Variants in SAMD5 observed in about 807,000 individuals in gnomAD.
SAMD5 encodes the protein sterile alpha motif domain containing 5.
SAMD5 carries 13 observed loss-of-function variants against 11.3 expected under a neutral mutation model. The observed-to-expected ratio is 1.15, with a 90% CI of 0.75 to 1.83. The LOEUF is 1.83. Among genes scored for constraint, SAMD5 ranks in the 40% most tolerant of loss-of-function variants. The pLI is 0.00. For missense variants in SAMD5, 255 were observed against 239.1 expected, an observed-to-expected ratio of 1.07 and a Z score of -0.44; for synonymous variants, 129 against 111.3, an observed-to-expected ratio of 1.16 and a Z score of -1.00.
intron 1 of SAMD5, chr6:147,733,745 A>C: frequency 1.1e-6 from 1 of 952,232 alleles, no homozygotes; most frequent in Non-Finnish European, 1.3e-6. Flanking sequence ...AAATTATGGA[A>C]ATTCTTCAGG....
chr6:147,877,940 T>TAGAA, the SAMD5 span, among the ~76,000 whole-genome samples: 80 of 99,230 alleles, frequency 8.1e-4, 2 homozygotes, highest in African/African-American at 2.7e-3. Context: ...GATAGATAGA[T>TAGAA]AGATAGACTC....
chr6:147,544,548 T>C (rs540538904), intron 1 of SAMD5, among the ~76,000 whole-genome samples: 18 of 152,320 alleles, frequency 1.2e-4, no homozygotes, highest in African/African-American at 4.3e-4. Flanking sequence ...CATAGTGTCC[T>C]TGTTACCCTT....
intron 1 of SAMD5, among the ~76,000 whole-genome samples, chr6:147,702,129 A>G (rs573358566): frequency 6.6e-6 from 1 of 152,234 alleles, no homozygotes; most frequent in African/African-American, 2.4e-5. Flanking sequence ...GCAAAGGGAC[A>G]TCTTACATGG....
intron 1 of SAMD5, among the ~76,000 whole-genome samples, chr6:147,603,795 AAACAAC>A (rs1554236239): frequency 6.6e-6 from 1 of 152,106 alleles, no homozygotes; most frequent in Non-Finnish European, 1.5e-5. Flanking sequence ...AAACAAAAAA[AAACAAC>A]AACAACAACA....
intron 1 of SAMD5, among the ~76,000 whole-genome samples, chr6:147,654,003 A>G (rs1790530330): frequency 6.6e-6 from 1 of 152,206 alleles, no homozygotes; most frequent in Admixed American, 6.5e-5. Flanking sequence ...CACGAATTTA[A>G]TCCACAGTTT....
chr6:147,920,781 C>T, the SAMD5 span, among the ~76,000 whole-genome samples: 1 of 152,148 alleles, frequency 6.6e-6, no homozygotes, highest in Non-Finnish European at 1.5e-5. Flanking sequence ...CAATGGTGTT[C>T]AGTTTGAGTT....
chr6:147,529,056 A>G (rs779992351), intron 1 of SAMD5, among the ~76,000 whole-genome samples: 12 of 152,326 alleles, frequency 7.9e-5, no homozygotes, highest in South Asian at 2.1e-4. Context: ...GCCTAGAACT[A>G]TTCTGAGGAT....
intron 1 of SAMD5, among the ~76,000 whole-genome samples, chr6:147,582,420 T>G (rs538379922): frequency 1.3e-5 from 2 of 152,282 alleles, no homozygotes; most frequent in Non-Finnish European, 2.9e-5. Context: ...CCTGTCTCTG[T>G]GCCGGCTTTG....
intron 1 of SAMD5, among the ~76,000 whole-genome samples, chr6:147,559,416 A>C (rs926155123): frequency 2.6e-5 from 4 of 152,186 alleles, no homozygotes; most frequent in African/African-American, 9.7e-5. Context: ...CTGAAGAAAA[A>C]GCAGTAGGAA....
the SAMD5 span, among the ~76,000 whole-genome samples, chr6:147,755,178 T>G: frequency 6.6e-6 from 1 of 152,126 alleles, no homozygotes; most frequent in African/African-American, 2.4e-5. Flanking sequence ...ATATTGATTC[T>G]TCCAATTCAT....
the SAMD5 span, among the ~76,000 whole-genome samples, chr6:147,766,483 A>C: frequency 6.6e-6 from 1 of 152,232 alleles, no homozygotes; most frequent in Admixed American, 6.5e-5. Context: ...GAGTATCAGA[A>C]TGACTTTTGA....
rs1789067928 is a variant in SAMD5, at chr6:147,567,858, A to G, written c.*3402A>G. ...CAGTAAATGTTTATTGATTGAATGAAAAGAATTTGATTTAAGGAAACAATA... is the reference window on the plus strand; with the variant it reads ...CAGTAAATGTTTATTGATTGAATGAGAAGAATTTGATTTAAGGAAACAATA... On this transcript the variant is annotated 3_prime_UTR_variant, in exon 2 of 2. Transcript: ENST00000367474. 1.5e-5 allele frequency: 15 copies of G among 985,420 alleles called. No individual in the cohort carries two copies. Among genetic ancestry groups the G allele is most frequent in the Non-Finnish European group, 1.7e-5 (14 of 829,946 alleles). 61.0% of individuals were successfully genotyped at this position (985,420 alleles called of 1,614,324 possible). A position where few individuals can be genotyped will look rare whatever the true frequency, so the allele number is the denominator to read the frequency against.
the SAMD5 span, among the ~76,000 whole-genome samples, chr6:147,821,756 T>G: frequency 6.6e-6 from 1 of 152,198 alleles, no homozygotes; most frequent in Admixed American, 6.5e-5. Context: ...TTAACTTTTG[T>G]TCATTTGGTT....
chr6:147,630,100 C>T (rs985403269), intron 1 of SAMD5, among the ~76,000 whole-genome samples: 1 of 151,914 alleles, frequency 6.6e-6, no homozygotes, highest in Non-Finnish European at 1.5e-5. Flanking sequence ...CAGGCATGCA[C>T]TGCCACGCCT....
Position 147,569,975 on chromosome 6 carries a change from T to G in SAMD5, c.*5519T>G, listed in dbSNP as rs1182849823. The G allele has an allele frequency of 1.0e-6, 1 of 985,178 alleles. No individual in the cohort carries two copies. Among genetic ancestry groups the G allele is most frequent in the African/African-American group, 1.7e-5 (1 of 57,236 alleles). 61.0% of individuals were successfully genotyped at this position (985,178 alleles called of 1,614,324 possible). On this transcript the variant is annotated 3_prime_UTR_variant, in exon 2 of 2. Coordinates refer to ENST00000367474, the MANE Select transcript of SAMD5 (RefSeq NM_001030060.3). The stretch of plus-strand genomic sequence containing the variant: ...ATGCATGCCCATGCACACTGTGATT[T>G]GCAAACATATGTCCGCTCTTCAATA...
the SAMD5 span, among the ~76,000 whole-genome samples, chr6:147,799,829 C>T: frequency 2.6e-5 from 4 of 152,194 alleles, no homozygotes; most frequent in African/African-American, 9.7e-5. Flanking sequence ...TCATCTTCCA[C>T]TGCTGATACC....
At chr6:147,767,189 T>G in the SAMD5 span, among the ~76,000 whole-genome samples, 15 of 152,340 alleles carry the variant, frequency 9.8e-5, no homozygotes, top group Middle Eastern at 6.8e-3. Flanking sequence ...TATCTTAGGT[T>G]GGGTTCCCTG....
the SAMD5 span, among the ~76,000 whole-genome samples, chr6:147,780,231 C>T: frequency 4.4e-4 from 66 of 151,214 alleles, no homozygotes; most frequent in African/African-American, 1.5e-3. Context: ...GACAGAGTCT[C>T]GCTCTGTCAC....
At chr6:147,845,629 G>T in the SAMD5 span, among the ~76,000 whole-genome samples, 1 of 152,008 alleles carries the variant, frequency 6.6e-6, no homozygotes, top group Non-Finnish European at 1.5e-5. Context: ...TACCTGAAAA[G>T]ATGATCAACA....
Sources: gnomAD v4.1 joint callset for allele counts (sites outside exome capture counted in the v4.1 genomes callset) on GRCh38, gnomAD v4.1.1 for gene constraint, MANE v1.5 for transcripts, NCBI Gene and HGNC (gene_info 2026-07-23, HGNC 2026-07-21) for gene names.